Variants in MYOF observed in about 807,000 individuals in gnomAD.
MYOF encodes fer-1-like 3, myoferlin.
Under a neutral mutation model 284.2 loss-of-function variants are expected in MYOF, and 244 were observed. The ratio of observed to expected loss-of-function variants is 0.86; its 90% CI spans 0.77 to 0.95. MYOF has a LOEUF of 0.95. Ranked by LOEUF, MYOF falls within the 40% of genes least tolerant of loss-of-function variation. The pLI is 0.00. For synonymous variants in MYOF, 904 were observed against 919.7 expected (o/e 0.98, Z 0.31); for missense variants, 2,496 against 2,560.6 (o/e 0.97, Z 0.54).
intron 4 of MYOF, among the ~76,000 whole-genome samples, chr10:93,429,656 T>A (rs1423512269): frequency 6.6e-6 from 1 of 152,194 alleles, no homozygotes; most frequent in Non-Finnish European, 1.5e-5. Flanking sequence ...AAAACTGCCT[T>A]TCTCTCATAT....
Position 93,410,088 on chromosome 10 carries a change from C to T in MYOF, c.434-349G>A, listed in dbSNP as rs116058580. Among the ~76,000 whole-genome samples the T allele has an allele frequency of 4.8e-3, 731 of 152,260 alleles. 4 individuals carry two copies. Among genetic ancestry groups the T allele is most frequent in the African/African-American group, 0.017 (688 of 41,546 alleles). ...AGGATGGAAAAAGGAAGAAACATCA[C>T]GGAACACTGCAGTCTTGCAATGACA... On this transcript the variant is annotated intron_variant, in intron 5 of 53. Transcript: ENST00000359263.
chr10:93,333,147 G>A, intron 43 of MYOF, 74 bp downstream of exon 43: 1 of 1,214,688 alleles, frequency 8.2e-7, no homozygotes, highest in Non-Finnish European at 1.2e-6. Context: ...GACAGGGTTG[G>A]ACACATATTA....
chr10:93,329,958 G>C (rs1197096042), intron 43 of MYOF, 124 bp from the exon 44 acceptor site: 3 of 947,598 alleles, frequency 3.2e-6, no homozygotes, highest in Non-Finnish European at 4.9e-6. Flanking sequence ...ATCTGAGCAG[G>C]ATAACCAGGG....
chr10:93,455,386 A>G (rs936940218), intron 2 of MYOF, among the ~76,000 whole-genome samples: 1 of 152,160 alleles, frequency 6.6e-6, no homozygotes, highest in South Asian at 2.1e-4. Context: ...AATAAGGTCT[A>G]GCGAGGCGCA....
intron 42 of MYOF, 65 bp downstream of exon 42, chr10:93,333,693 A>T: frequency 6.3e-7 from 1 of 1,578,878 alleles, no homozygotes; most frequent in Non-Finnish European, 8.6e-7. Flanking sequence ...AGAACATGAC[A>T]ATTATTGTGG....
chr10:93,338,363 T>C, intron 39 of MYOF: 1 of 456,884 alleles, frequency 2.2e-6, no homozygotes, highest in South Asian at 1.5e-5. Flanking sequence ...GAAAAACTGG[T>C]TTTAATTCAA....
intron 28 of MYOF, among the ~76,000 whole-genome samples, chr10:93,360,434 T>G (rs1205872587): frequency 6.6e-6 from 1 of 152,254 alleles, no homozygotes; most frequent in African/African-American, 2.4e-5. Context: ...AGGGTTACAG[T>G]ATTTTAACAC....
At chr10:93,465,538 C>CTTTTTTTTTTTTTTTTTT (rs71031511) in intron 1 of MYOF, among the ~76,000 whole-genome samples, 20 of 112,150 alleles carry the variant, frequency 1.8e-4, no homozygotes, top group African/African-American at 3.0e-4. Flanking sequence ...TTTTTCTTTT[C>CTTTTTTTTTTTTTTTTTT]TTTTTTTTTT....
intron 3 of MYOF, among the ~76,000 whole-genome samples, chr10:93,433,774 C>T (rs1848977969): frequency 6.6e-6 from 1 of 152,134 alleles, no homozygotes. Context: ...AGAGGTGCTC[C>T]GGGTACGCCA....
chr10:93,315,793 G>A (rs117076528), intron 50 of MYOF, among the ~76,000 whole-genome samples: 6,559 of 152,086 alleles, frequency 0.043, 222 homozygotes, highest in Non-Finnish European at 0.066. Context: ...GCGGGTTGGA[G>A]GAGAGCAGAA....
intron 1 of MYOF, among the ~76,000 whole-genome samples, chr10:93,471,716 C>T (rs2057150439): frequency 6.6e-6 from 1 of 152,090 alleles, no homozygotes; most frequent in African/African-American, 2.4e-5. Context: ...TGGCAAAACC[C>T]CTTCTCTACT....
chr10:93,470,432 G>A (rs772416036), intron 1 of MYOF, among the ~76,000 whole-genome samples: 14 of 151,560 alleles, frequency 9.2e-5, no homozygotes, highest in Middle Eastern at 3.2e-3. Context: ...AGACAGAGTC[G>A]CTCTGTCACC....
intron 17 of MYOF, among the ~76,000 whole-genome samples, chr10:93,389,681 T>C (rs1846580838): frequency 6.6e-6 from 1 of 152,362 alleles, no homozygotes; most frequent in African/African-American, 2.4e-5. Context: ...CCATGTGATA[T>C]TCATAAATGA....
chr10:93,326,963 C>T (rs540932930), intron 45 of MYOF, among the ~76,000 whole-genome samples: 1 of 152,206 alleles, frequency 6.6e-6, no homozygotes, highest in South Asian at 2.1e-4. Context: ...CCCAGATTCT[C>T]TTGACACTTC....
chr10:93,375,091 T>C, intron 22 of MYOF, 136 bp from the exon 23 acceptor site: 1 of 871,850 alleles, frequency 1.1e-6, no homozygotes. Flanking sequence ...CTACAAGCAC[T>C]GCCTGGTTTA....
At chr10:93,329,532 G>A (rs1295483802) in intron 44 of MYOF, 132 bp downstream of exon 44, 9 of 869,626 alleles carry the variant, frequency 1.0e-5, no homozygotes, top group South Asian at 5.3e-5. Context: ...ATAATCCTGC[G>A]ATTGAAATCC....
At chr10:93,424,153 TG>T (rs1848479972) in intron 5 of MYOF, among the ~76,000 whole-genome samples, 1 of 152,186 alleles carries the variant, frequency 6.6e-6, no homozygotes, top group African/African-American at 2.4e-5. Context: ...CCACCCAGTT[TG>T]CGGTAGTTTA....
intron 3 of MYOF, among the ~76,000 whole-genome samples, chr10:93,438,565 G>C (rs1046754336): frequency 2.6e-5 from 4 of 152,122 alleles, no homozygotes; most frequent in Admixed American, 6.6e-5. Context: ...CAGATTCCCA[G>C]ATCCCTGAGT....
chr10:93,308,462 G>C lies in MYOF; in HGVS notation c.6148-1461C>G, dbSNP rs577977749. ...TGGCAGGGTGTGGTGGCAGGCACCT[G>C]TAATCCCAGCTACTCGGGAGGCTGA... is the stretch of plus-strand genomic sequence containing the variant. On this transcript the variant is annotated intron_variant, in intron 53 of 53. Coordinates refer to ENST00000359263, the MANE Select transcript of MYOF (RefSeq NM_013451.4). Among the ~76,000 whole-genome samples, 244 of 149,804 alleles carry C rather than the reference G, an allele frequency of 1.6e-3. 1 individual carries two copies. Among genetic ancestry groups the C allele is most frequent in the African/African-American group, 5.2e-3 (213 of 40,774 alleles).
Sources: allele counts gnomAD v4.1 joint callset (sites outside exome capture counted in the v4.1 genomes callset), GRCh38; gene constraint gnomAD v4.1.1; transcripts MANE v1.5; gene names NCBI Gene and HGNC (gene_info 2026-07-23, HGNC 2026-07-21).